The following SYN2 variants were observed in gnomAD, a reference collection of about 807,000 sequenced individuals.
SYN2 encodes synapsin II, also known as synapsin-2.
Under a neutral mutation model 50.9 loss-of-function variants are expected in SYN2, and 19 were observed. That is an observed-to-expected ratio of 0.37 (90% CI 0.26 to 0.55). SYN2 has a LOEUF of 0.55. Among genes scored for constraint, SYN2 ranks in the 20% least tolerant of loss-of-function variants. The pLI is 0.81. For synonymous variants in SYN2, 255 were observed against 224.9 expected (o/e 1.13, Z -1.20); for missense variants, 587 against 576.4 (o/e 1.02, Z -0.19).
chr3:12,153,347 G>GA, intron 5 of SYN2: 1 of 758,868 alleles, frequency 1.3e-6, no homozygotes, highest in Non-Finnish European at 2.2e-6. Flanking sequence ...GGGCAGGGCA[G>GA]AAAAGTCATG....
At chr3:12,153,560 G>A (rs1342387813) in intron 5 of SYN2, 2 of 1,614,056 alleles carry the variant, frequency 1.2e-6, no homozygotes, top group Admixed American at 1.7e-5. Context: ...GAGGCAGGTG[G>A]CCCCGGTACC....
At chr3:12,058,666 G>A (rs1695051320) in intron 1 of SYN2, among the ~76,000 whole-genome samples, 1 of 152,160 alleles carries the variant, frequency 6.6e-6, no homozygotes, top group Admixed American at 6.5e-5. Flanking sequence ...CAGGGGGAGA[G>A]GGATGGGCAG....
At chr3:12,005,759 A>AT (rs34905752) in intron 1 of SYN2, among the ~76,000 whole-genome samples, 6 of 150,616 alleles carry the variant, frequency 4.0e-5, no homozygotes, top group African/African-American at 4.9e-5. Context: ...AACTTCAATA[A>AT]TTTTTTTTTT....
intron 1 of SYN2, among the ~76,000 whole-genome samples, chr3:12,119,981 T>C (rs1216640777): frequency 6.6e-6 from 1 of 152,176 alleles, no homozygotes; most frequent in Non-Finnish European, 1.5e-5. Flanking sequence ...TCAAAGGTTT[T>C]CACAGTTTAA....
At chr3:12,062,259 G>T (rs1161870572) in intron 1 of SYN2, among the ~76,000 whole-genome samples, 1 of 151,952 alleles carries the variant, frequency 6.6e-6, no homozygotes, top group Non-Finnish European at 1.5e-5. Context: ...AAGGAGCAAA[G>T]AATTAAATGG....
intron 5 of SYN2, among the ~76,000 whole-genome samples, chr3:12,159,638 C>A (rs924740658): frequency 4.6e-5 from 7 of 152,154 alleles, no homozygotes; most frequent in Admixed American, 1.3e-4. Flanking sequence ...TCACTTAGGG[C>A]AAACCTTGGA....
At chr3:12,089,581 A>G (rs1382304122) in intron 1 of SYN2, among the ~76,000 whole-genome samples, 1 of 152,232 alleles carries the variant, frequency 6.6e-6, no homozygotes, top group Non-Finnish European at 1.5e-5. Context: ...AAGCCAAGGC[A>G]GGGGGATTAC....
intron 1 of SYN2, among the ~76,000 whole-genome samples, chr3:12,114,705 A>T (rs1201768272): frequency 1.3e-5 from 2 of 152,204 alleles, no homozygotes; most frequent in African/African-American, 2.4e-5. Context: ...TCATAAAAAA[A>T]TATTGAAGGG....
chr3:12,066,148 T>C (rs1695213644), intron 1 of SYN2, among the ~76,000 whole-genome samples: 1 of 152,180 alleles, frequency 6.6e-6, no homozygotes, highest in South Asian at 2.1e-4. Flanking sequence ...CGGGTAAAGA[T>C]TAAAACTAAG....
At chr3:12,184,716 C>T (rs1343343721) in intron 11 of SYN2, 11 of 985,898 alleles carry the variant, frequency 1.1e-5, no homozygotes, top group Non-Finnish European at 1.3e-5. Context: ...TTGTTCTCTT[C>T]CCTCTGACAA....
At chr3:12,140,894 T>G (rs1402495497) in intron 2 of SYN2, among the ~76,000 whole-genome samples, 186 bp downstream of exon 2, 2 of 152,220 alleles carry the variant, frequency 1.3e-5, no homozygotes, top group African/African-American at 4.8e-5. Flanking sequence ...TCCTGGAGTC[T>G]GCATCTTTTC....
At chr3:12,020,494 C>T (rs1694110250) in intron 1 of SYN2, among the ~76,000 whole-genome samples, 1 of 152,016 alleles carries the variant, frequency 6.6e-6, no homozygotes, top group Non-Finnish European at 1.5e-5. Context: ...GGGATACCCC[C>T]TGAAAGTTTT....
chr3:12,120,001 G>A (rs1427740227), intron 1 of SYN2, among the ~76,000 whole-genome samples: 1 of 152,016 alleles, frequency 6.6e-6, no homozygotes, highest in Non-Finnish European at 1.5e-5. Flanking sequence ...AAAAACATCT[G>A]AATTTTTTTT....
At chr3:12,037,833 G>T (rs955675987) in intron 1 of SYN2, among the ~76,000 whole-genome samples, 5 of 152,126 alleles carry the variant, frequency 3.3e-5, no homozygotes, top group Non-Finnish European at 5.9e-5. Context: ...TATATGATTT[G>T]CAAATATTTT....
At chr3:12,082,006 TC>T (rs553409457) in intron 1 of SYN2, among the ~76,000 whole-genome samples, 251 of 152,232 alleles carry the variant, frequency 1.6e-3, no homozygotes, top group African/African-American at 5.7e-3. Context: ...GTGTTGGGGA[TC>T]CCCAGAACCA....
At chr3:12,113,246 A>T (rs1174485738) in intron 1 of SYN2, among the ~76,000 whole-genome samples, 1 of 152,164 alleles carries the variant, frequency 6.6e-6, no homozygotes, top group Non-Finnish European at 1.5e-5. Context: ...GAGTGTACGT[A>T]TGTAACCCAA....
intron 1 of SYN2, among the ~76,000 whole-genome samples, chr3:12,082,359 A>G (rs1695600621): frequency 6.6e-6 from 1 of 152,228 alleles, no homozygotes; most frequent in Non-Finnish European, 1.5e-5. Flanking sequence ...GGTATTCAGC[A>G]TAAAGCACAT....
At chr3:12,096,003 TC>T (rs1480631750) in intron 1 of SYN2, among the ~76,000 whole-genome samples, 4 of 152,170 alleles carry the variant, frequency 2.6e-5, no homozygotes, top group Non-Finnish European at 5.9e-5. Context: ...TCCCAGCACT[TC>T]CTTTCCATCT....
At chr3:12,111,388 T>G (rs1362291169) in intron 1 of SYN2, among the ~76,000 whole-genome samples, 1 of 152,210 alleles carries the variant, frequency 6.6e-6, no homozygotes, top group Non-Finnish European at 1.5e-5. Flanking sequence ...AGTGTGTAAA[T>G]GGACTAATAC....
Sources: allele counts gnomAD v4.1 joint callset (sites outside exome capture counted in the v4.1 genomes callset), GRCh38; gene constraint gnomAD v4.1.1; transcripts MANE v1.5; gene names NCBI Gene and HGNC (gene_info 2026-07-23, HGNC 2026-07-21).